DOCK3: variants seen among roughly 807,000 people sequenced by gnomAD.
The protein encoded by DOCK3 is dedicator of cytokinesis 3.
DOCK3 carries 60 observed loss-of-function variants against 265.6 expected under a neutral mutation model. That is an observed-to-expected ratio of 0.23 (90% confidence interval 0.18 to 0.28). The LOEUF is 0.28. Among genes scored for constraint, DOCK3 ranks in the 10% least tolerant of loss-of-function variants. The pLI is 1.00. For synonymous variants in DOCK3, 881 were observed against 938.0 expected (o/e 0.94, Z 1.11); for missense variants, 1,981 against 2,594.3 (o/e 0.76, Z 5.14).
At chr3:51,133,970 C>T (rs543639559) in intron 9 of DOCK3, among the ~76,000 whole-genome samples, 51 of 152,284 alleles carry the variant, frequency 3.3e-4, no homozygotes, top group African/African-American at 1.2e-3. Flanking sequence ...CTGTTGTTCT[C>T]CTCTTTGTGT....
chr3:51,104,380 A>G (rs904002220), intron 9 of DOCK3, among the ~76,000 whole-genome samples: 4 of 152,208 alleles, frequency 2.6e-5, no homozygotes, highest in African/African-American at 9.7e-5. Flanking sequence ...TTTAAGTGAA[A>G]TGGGGACCAT....
chr3:51,153,148 G>A (rs1173089434), intron 10 of DOCK3, among the ~76,000 whole-genome samples: 4 of 152,220 alleles, frequency 2.6e-5, no homozygotes, highest in Non-Finnish European at 5.9e-5. Context: ...AGCTGTGGTG[G>A]GCTCTGCCCG....
intron 20 of DOCK3, among the ~76,000 whole-genome samples, chr3:51,237,113 CAG>C (rs2078379323): frequency 6.6e-6 from 1 of 152,190 alleles, no homozygotes; most frequent in Non-Finnish European, 1.5e-5. Flanking sequence ...TGATTTGGCT[CAG>C]AGGACAAGCT....
chr3:50,821,266 C>T (rs547392233), intron 2 of DOCK3, among the ~76,000 whole-genome samples: 36 of 151,176 alleles, frequency 2.4e-4, no homozygotes, highest in Admixed American at 4.6e-4. Context: ...AGGCCAATGC[C>T]GAGAAGGTAT....
At chr3:50,799,644 C>T (rs927800247) in intron 2 of DOCK3, among the ~76,000 whole-genome samples, 1 of 152,080 alleles carries the variant, frequency 6.6e-6, no homozygotes, top group East Asian at 1.9e-4. Context: ...AAGATCATGT[C>T]ATCTGCAAAC....
intron 2 of DOCK3, among the ~76,000 whole-genome samples, chr3:50,779,546 G>C (rs1299394048): frequency 6.6e-6 from 1 of 152,044 alleles, no homozygotes. Context: ...ACCACGCCCA[G>C]CTAATTTTTG....
intron 1 of DOCK3, among the ~76,000 whole-genome samples, chr3:50,759,072 G>A (rs1467939704): frequency 6.6e-6 from 1 of 151,984 alleles, no homozygotes; most frequent in Non-Finnish European, 1.5e-5. Flanking sequence ...CTAGAACACG[G>A]GTATACAAAT....
At chr3:50,866,902 G>A (rs575858816) in intron 3 of DOCK3, among the ~76,000 whole-genome samples, 2 of 152,292 alleles carry the variant, frequency 1.3e-5, no homozygotes, top group Admixed American at 1.3e-4. Context: ...GGGTAGCTAA[G>A]AAACAGCTAT....
intron 5 of DOCK3, among the ~76,000 whole-genome samples, chr3:50,984,911 G>A (rs986043094): frequency 6.6e-6 from 1 of 152,214 alleles, no homozygotes; most frequent in African/African-American, 2.4e-5. Flanking sequence ...GGAAGTACAT[G>A]TGTGGATGTG....
At chr3:50,959,510 C>T (rs2076824121) in intron 5 of DOCK3, among the ~76,000 whole-genome samples, 1 of 150,644 alleles carries the variant, frequency 6.6e-6, no homozygotes, top group Admixed American at 6.7e-5. Flanking sequence ...CCCTAGTAAT[C>T]ACATTTTACT....
At chr3:51,312,378 T>C in intron 29 of DOCK3, 98 bp from the exon 30 acceptor site, 1 of 1,114,396 alleles carries the variant, frequency 9.0e-7, no homozygotes, top group Non-Finnish European at 1.3e-6. Flanking sequence ...ATCTTAAGAT[T>C]GTAAAATGGG....
chr3:51,129,742 G>A (rs9827883), intron 9 of DOCK3, among the ~76,000 whole-genome samples: 1,617 of 152,212 alleles, frequency 0.011, 40 homozygotes, highest in African/African-American at 0.036. Flanking sequence ...AAAGGCCTCC[G>A]CTACGATTCA....
chr3:50,724,228 T>A (rs895384040), intron 1 of DOCK3, among the ~76,000 whole-genome samples: 4 of 152,190 alleles, frequency 2.6e-5, no homozygotes, highest in Non-Finnish European at 4.4e-5. Context: ...GAAATAGGAA[T>A]GCTTTTACAC....
At chr3:51,078,888 T>G (rs1395308080) in intron 7 of DOCK3, among the ~76,000 whole-genome samples, 1 of 152,188 alleles carries the variant, frequency 6.6e-6, no homozygotes, top group Non-Finnish European at 1.5e-5. Flanking sequence ...AAAGCCCTCT[T>G]TATTTCATTT....
chr3:51,272,576 C>T (rs1033196543), intron 24 of DOCK3, among the ~76,000 whole-genome samples: 3 of 151,764 alleles, frequency 2.0e-5, no homozygotes, highest in South Asian at 2.1e-4. Flanking sequence ...TGTGAGACAC[C>T]GCGCCCGGCC....
intron 1 of DOCK3, among the ~76,000 whole-genome samples, chr3:50,730,266 C>G (rs1194705833): frequency 6.6e-6 from 1 of 152,096 alleles, no homozygotes. Context: ...CTCAGCCTCC[C>G]AAGTGGTTGG....
chr3:50,803,782 T>C (rs1452477286), intron 2 of DOCK3, among the ~76,000 whole-genome samples: 2 of 129,558 alleles, frequency 1.5e-5, no homozygotes, highest in East Asian at 2.4e-4. Context: ...GGCGGCTGGC[T>C]GGGCGGGGGC....
At chr3:50,745,613 C>T (rs187477540) in intron 1 of DOCK3, among the ~76,000 whole-genome samples, 114 of 152,246 alleles carry the variant, frequency 7.5e-4, no homozygotes, top group African/African-American at 2.4e-3. Context: ...CCGAACAAAA[C>T]GCATAACACT....
intron 2 of DOCK3, among the ~76,000 whole-genome samples, chr3:50,812,017 A>G (rs149834433): frequency 0.012 from 1,904 of 152,342 alleles, 26 homozygotes; most frequent in Non-Finnish European, 0.021. Context: ...CCTAAGATTC[A>G]GAATTTATGG....
Sources: gnomAD v4.1 joint callset for allele counts (sites outside exome capture counted in the v4.1 genomes callset) on GRCh38, gnomAD v4.1.1 for gene constraint, MANE v1.5 for transcripts, NCBI Gene and HGNC (gene_info 2026-07-23, HGNC 2026-07-21) for gene names.